Variants in AKIRIN2 observed in about 807,000 individuals in gnomAD.
AKIRIN2 encodes akirin 2, also known as akirin-2.
A neutral mutation model predicts 29.3 loss-of-function variants in AKIRIN2; 6 were observed. The ratio of observed to expected loss-of-function variants is 0.20; its 90% confidence interval spans 0.11 to 0.40. The LOEUF (loss-of-function observed/expected upper bound fraction) is 0.40. Among genes scored for constraint, AKIRIN2 ranks in the 10% least tolerant of loss-of-function variants. The pLI is 1.00. For missense variants in AKIRIN2, 210 were observed against 276.1 expected (o/e 0.76, Z 1.70); for synonymous variants, 128 against 117.5 (o/e 1.09, Z -0.58).
intron 2 of AKIRIN2, 49 bp downstream of exon 2, chr6:87,681,571 T>C (rs766210052): frequency 1.0e-5 from 16 of 1,554,580 alleles, no homozygotes; most frequent in Admixed American, 4.2e-5. Context: ...GGATTAGACT[T>C]TTCCCACTCT....
rs1771474876 is a variant in AKIRIN2, at chr6:87,701,902, G to C, written c.-218C>G. On this transcript the variant is annotated 5_prime_UTR_variant, in exon 1 of 5. Coordinates refer to ENST00000257787, the MANE Select transcript of AKIRIN2 (RefSeq NM_018064.4). ...GGCCAGGGACGGCCCGGGTGAGAGC[G>C]GGAGGGGCGGTGGCGGGCAGAAGCA... is the stretch of plus-strand genomic sequence containing the variant. 2.4e-6 allele frequency: 1 copy of C among 413,002 alleles called. No individual in the cohort carries two copies. Among genetic ancestry groups the C allele is most frequent in the Admixed American group, 4.4e-5 (1 of 22,906 alleles). 25.6% of individuals were successfully genotyped at this position (413,002 alleles called of 1,614,324 possible).
intron 1 of AKIRIN2, among the ~76,000 whole-genome samples, chr6:87,689,299 C>T (rs556903407): frequency 2.4e-4 from 36 of 152,104 alleles, no homozygotes; most frequent in Non-Finnish European, 4.7e-4. Context: ...GTCAAGAGTT[C>T]GAGACCTGCC....
intron 1 of AKIRIN2, among the ~76,000 whole-genome samples, chr6:87,698,055 T>C (rs953182683): frequency 2.0e-5 from 3 of 152,216 alleles, no homozygotes; most frequent in Admixed American, 6.5e-5. Flanking sequence ...ATGGTAGTAT[T>C]ATGAGATGTT....
intron 1 of AKIRIN2, among the ~76,000 whole-genome samples, chr6:87,688,444 A>T (rs571174543): frequency 6.6e-6 from 1 of 151,466 alleles, no homozygotes; most frequent in East Asian, 1.9e-4. Flanking sequence ...CCGTGTCTTT[A>T]AAAAAATAAA....
chr6:87,696,574 A>G (rs984255409), intron 1 of AKIRIN2, among the ~76,000 whole-genome samples: 47 of 151,246 alleles, frequency 3.1e-4, no homozygotes, highest in African/African-American at 1.0e-3. Context: ...GGTGGCGGGC[A>G]CCTGTAGTCC....
At chr6:87,695,981 C>T (rs894797856) in intron 1 of AKIRIN2, among the ~76,000 whole-genome samples, 3 of 151,746 alleles carry the variant, frequency 2.0e-5, no homozygotes, top group African/African-American at 7.3e-5. Flanking sequence ...GAGTTTGAAA[C>T]CAGCCTGGGC....
chr6:87,701,984 G>A lies in AKIRIN2; in HGVS notation c.-300C>T. ...CTCCTCAGGCGCGGCTCCCCCGAGA[G>A]AGGCTCCGGCCGCCCCCGCCGTCCG... On this transcript the variant is annotated 5_prime_UTR_variant, in exon 1 of 5. Coordinates refer to ENST00000257787, the MANE Select transcript of AKIRIN2 (RefSeq NM_018064.4). 2.5e-6 allele frequency: 1 copy of A among 402,918 alleles called. No homozygotes were observed. The highest frequency in any genetic ancestry group is 4.4e-6 in the Non-Finnish European group (1 of 228,336). 25.0% of individuals were successfully genotyped at this position (402,918 alleles called of 1,614,324 possible).
intron 1 of AKIRIN2, among the ~76,000 whole-genome samples, chr6:87,695,322 C>CA (rs754209453): frequency 1.3e-5 from 2 of 151,832 alleles, no homozygotes; most frequent in African/African-American, 2.4e-5. Context: ...AAATGTTACA[C>CA]ATTATGACAA....
intron 1 of AKIRIN2, among the ~76,000 whole-genome samples, chr6:87,697,667 G>A (rs1771392835): frequency 6.6e-6 from 1 of 152,184 alleles, no homozygotes; most frequent in Non-Finnish European, 1.5e-5. Flanking sequence ...GCCAGCTGGT[G>A]TCTCCGTTTG....
At chr6:87,685,204 G>T (rs1771169275) in intron 1 of AKIRIN2, among the ~76,000 whole-genome samples, 1 of 152,170 alleles carries the variant, frequency 6.6e-6, no homozygotes, top group African/African-American at 2.4e-5. Flanking sequence ...ATTTAACTTG[G>T]CCAAGATCTC....
Position 87,676,938 on chromosome 6 carries a change from A to T in AKIRIN2, c.529+880T>A, listed in dbSNP as rs189031129. 1.4e-3 allele frequency among the ~76,000 whole-genome samples: 219 copies of T among 151,952 alleles called. 1 individual carries two copies. Among genetic ancestry groups the T allele is most frequent in the African/African-American group, 4.8e-3 (201 of 41,452 alleles). On this transcript the variant is annotated intron_variant, in intron 3 of 4. Coordinates refer to ENST00000257787, the MANE Select transcript of AKIRIN2 (RefSeq NM_018064.4). ...AAAAATACAAGAAAATTAGCCGGGC[A>T]TGGTGGTAGGTGCCTGTAGTCCCAG... is the stretch of plus-strand genomic sequence containing the variant.
Position 87,675,558 on chromosome 6 carries a change from A to G in AKIRIN2, c.*39T>C, listed in dbSNP as rs771602193. 1.7e-5 allele frequency: 27 copies of G among 1,613,260 alleles called. No homozygotes were observed. In the South Asian group the frequency reaches 1.9e-4, roughly 11 times the overall value. ...AATTGGGACCTCTTGCAACAACTCA[A>G]CAAGGAACAAGGCAGCCCACAAATG... is the stretch of plus-strand genomic sequence containing the variant. On this transcript the variant is annotated 3_prime_UTR_variant, in exon 5 of 5. Coordinates refer to ENST00000257787, the MANE Select transcript of AKIRIN2 (RefSeq NM_018064.4).
chr6:87,675,586 G>A lies in AKIRIN2; in HGVS notation c.*11C>T. On this transcript the variant is annotated 3_prime_UTR_variant, in exon 5 of 5. Transcript: ENST00000257787. Reference sequence around the variant, plus strand: ...AGGAACAAGGCAGCCCACAAATGCAGGATACGTGATTCATGAAACATCTAA... The same window carrying A: ...AGGAACAAGGCAGCCCACAAATGCAAGATACGTGATTCATGAAACATCTAA... The A allele has an allele frequency of 6.2e-7, 1 of 1,614,020 alleles. No homozygotes were observed.
intron 2 of AKIRIN2, 131 bp from the exon 3 acceptor site, chr6:87,678,098 C>G (rs1393559083): frequency 3.0e-5 from 24 of 812,718 alleles, no homozygotes; most frequent in African/African-American, 5.3e-5. Flanking sequence ...ATTTTAAGCA[C>G]AGCATTTCAC....
At position 87,677,080 on chromosome 6, in the gene AKIRIN2, GA is replaced by G. The variant is rs552579299; in HGVS notation, c.529+737del. On this transcript the variant is annotated intron_variant, in intron 3 of 4. Transcript: ENST00000257787. ...GTGACAGAGTGAGACTCCGTCTCAGGAAAAAAAAAAAAAAAAATTAAAAACA... is the reference window on the plus strand; with the variant it reads ...GTGACAGAGTGAGACTCCGTCTCAGGAAAAAAAAAAAAAAAATTAAAAACA... Among the ~76,000 whole-genome samples, 1,095 of 112,628 alleles carry G rather than the reference GA, an allele frequency of 9.7e-3. 9 individuals are homozygous for G. Among genetic ancestry groups the G allele is most frequent in the African/African-American group, 0.024 (727 of 30,526 alleles). The allele number at this position is 112,628 out of a possible 152,430, so 73.9% of individuals were successfully genotyped here.
intron 1 of AKIRIN2, among the ~76,000 whole-genome samples, chr6:87,697,731 A>G (rs1466696003): frequency 6.6e-6 from 1 of 152,200 alleles, no homozygotes; most frequent in African/African-American, 2.4e-5. Flanking sequence ...ACCCTTCCCC[A>G]TTCACAAGCT....
At chr6:87,683,206 T>C (rs1317753946) in intron 1 of AKIRIN2, among the ~76,000 whole-genome samples, 1 of 152,216 alleles carries the variant, frequency 6.6e-6, no homozygotes, top group Non-Finnish European at 1.5e-5. Context: ...TTTTGTTGTA[T>C]AAAAAGACCT....
At chr6:87,701,427 G>A (rs745621583) in intron 1 of AKIRIN2, 23 bp downstream of exon 1, 7 of 1,530,692 alleles carry the variant, frequency 4.6e-6, no homozygotes, top group Non-Finnish European at 6.1e-6. Context: ...CACTACCCCG[G>A]CGGCCGCGGG....
At chr6:87,685,911 T>C (rs1383609960) in intron 1 of AKIRIN2, among the ~76,000 whole-genome samples, 2 of 152,200 alleles carry the variant, frequency 1.3e-5, no homozygotes, top group Non-Finnish European at 2.9e-5. Flanking sequence ...TCCTTTGGAA[T>C]ATTTTTAACA....
Sources: allele counts gnomAD v4.1 joint callset (sites outside exome capture counted in the v4.1 genomes callset), GRCh38; gene constraint gnomAD v4.1.1; transcripts MANE v1.5; gene names NCBI Gene and HGNC (gene_info 2026-07-23, HGNC 2026-07-21).